Variants in ARHGEF9 observed in about 807,000 individuals in gnomAD.
ARHGEF9 encodes the protein rho guanine nucleotide exchange factor 9.
Under a neutral mutation model 41.3 loss-of-function variants are expected in ARHGEF9, and 2 were observed. That is an observed-to-expected ratio of 0.05 (90% CI 0.02 to 0.15). The LOEUF is 0.15. Ranked by LOEUF, ARHGEF9 falls within the 10% of genes least tolerant of loss-of-function variation. ARHGEF9 has a pLI of 1.00. For missense variants in ARHGEF9, 225 were observed against 424.7 expected (o/e 0.53, Z 4.13); for synonymous variants, 160 against 154.4 (o/e 1.04, Z -0.27).
At chrX:63,702,794 A>G (rs1206134023) in intron 3 of ARHGEF9, among the ~76,000 whole-genome samples, 2 of 112,175 alleles carry the variant, frequency 1.8e-5, no homozygotes, top group Non-Finnish European at 3.8e-5. Context: ...CTGGCTCGCT[A>G]TCACAGTTTT....
chrX:63,635,922 AC>A lies in ARHGEF9; in HGVS notation c.*2105del, dbSNP rs1280376705. Reference sequence around the variant, plus strand: ...TTTAGCCTGGGTGCTGGGCACCAGGACCCTTGCCAAAGAGGCTTACGTAGTT... The same window carrying A: ...TTTAGCCTGGGTGCTGGGCACCAGGACCTTGCCAAAGAGGCTTACGTAGTT... On this transcript the variant is annotated 3_prime_UTR_variant, in exon 10 of 10. Transcript: ENST00000671741. The A allele has an allele frequency of 7.8e-6, 1 of 128,556 alleles. No individual in the cohort carries two copies. The allele number at this position is 128,556 out of a possible 1,213,427, so 10.6% of individuals were successfully genotyped here.
At chrX:63,749,965 C>T (rs1556438831) in intron 1 of ARHGEF9, among the ~76,000 whole-genome samples, 2 of 112,151 alleles carry the variant, frequency 1.8e-5, no homozygotes, top group Non-Finnish European at 3.8e-5. Context: ...ATCAAGGATT[C>T]TTGGAAAGCC....
intron 7 of ARHGEF9, among the ~76,000 whole-genome samples, chrX:63,659,066 C>T (rs1287832539): frequency 8.9e-6 from 1 of 112,604 alleles, no homozygotes; most frequent in Non-Finnish European, 1.9e-5. Flanking sequence ...ACATACCACA[C>T]ACTTGGCACT....
At chrX:63,664,055 G>A (rs1421633117) in intron 7 of ARHGEF9, among the ~76,000 whole-genome samples, 1 of 111,731 alleles carries the variant, frequency 9.0e-6, no homozygotes, top group Non-Finnish European at 1.9e-5. Context: ...TGACTGCTTC[G>A]AGGTTTCTCT....
intron 7 of ARHGEF9, among the ~76,000 whole-genome samples, chrX:63,660,971 T>C (rs1456114814): frequency 2.7e-5 from 3 of 111,888 alleles, no homozygotes; most frequent in Non-Finnish European, 5.6e-5. Flanking sequence ...CCCCACTACC[T>C]CAGGTGGTTC....
At chrX:63,745,139 C>T (rs1300512803) in intron 1 of ARHGEF9, among the ~76,000 whole-genome samples, 2 of 109,471 alleles carry the variant, frequency 1.8e-5, no homozygotes, top group Non-Finnish European at 3.8e-5. Context: ...GCTCTTAGTA[C>T]ATCCTTCCTG....
At chrX:63,720,076 C>CA (rs2053551004) in intron 2 of ARHGEF9, among the ~76,000 whole-genome samples, 1 of 111,682 alleles carries the variant, frequency 9.0e-6, no homozygotes, top group South Asian at 3.8e-4. Flanking sequence ...AAAAAAACCT[C>CA]AGAGGACCAT....
At chrX:63,728,971 A>G (rs1400928814) in intron 1 of ARHGEF9, among the ~76,000 whole-genome samples, 1 of 111,457 alleles carries the variant, frequency 9.0e-6, no homozygotes, top group Non-Finnish European at 1.9e-5. Context: ...TAGGGTTGGG[A>G]AAGGGGAGTG....
At chrX:63,681,928 G>A (rs1258890797) in intron 4 of ARHGEF9, among the ~76,000 whole-genome samples, 20 of 110,614 alleles carry the variant, frequency 1.8e-4, no homozygotes, top group Non-Finnish European at 3.0e-4. Flanking sequence ...GGAAACACCA[G>A]AGGAAATGAA....
intron 6 of ARHGEF9, among the ~76,000 whole-genome samples, chrX:63,673,275 A>G (rs1297786902): frequency 9.0e-6 from 1 of 111,343 alleles, no homozygotes; most frequent in Non-Finnish European, 1.9e-5. Context: ...CCCTACCTCT[A>G]TATTGTGACC....
At chrX:63,682,635 G>T (rs1158743459) in intron 4 of ARHGEF9, among the ~76,000 whole-genome samples, 2 of 112,061 alleles carry the variant, frequency 1.8e-5, no homozygotes, top group Non-Finnish European at 3.8e-5. Flanking sequence ...CATACATCAT[G>T]ACCAAGTGGG....
At chrX:63,691,896 T>C (rs1359110762) in intron 4 of ARHGEF9, among the ~76,000 whole-genome samples, 3 of 110,886 alleles carry the variant, frequency 2.7e-5, no homozygotes, top group Non-Finnish European at 5.7e-5. Context: ...TCCCAAAATA[T>C]ACCCATGCAT....
chrX:63,678,716 A>G, intron 4 of ARHGEF9, 144 bp from the exon 5 acceptor site: 1 of 474,348 alleles, frequency 2.1e-6, no homozygotes, highest in South Asian at 3.3e-5. Flanking sequence ...TTCATAATTT[A>G]ATAATAAATA....
At chrX:63,694,086 G>A (rs1163115501) in intron 4 of ARHGEF9, among the ~76,000 whole-genome samples, 1 of 109,814 alleles carries the variant, frequency 9.1e-6, no homozygotes, top group East Asian at 2.9e-4. Context: ...GGGACAGTGA[G>A]GCAGGAGAAT....
chrX:63,693,519 G>A (rs1230111618), intron 4 of ARHGEF9, among the ~76,000 whole-genome samples: 1 of 106,856 alleles, frequency 9.4e-6, no homozygotes, highest in Non-Finnish European at 1.9e-5. Flanking sequence ...GGTTGAGGCA[G>A]GAGAATTGCT....
At chrX:63,647,346 G>T (rs371425960) in intron 8 of ARHGEF9, among the ~76,000 whole-genome samples, 13 of 111,572 alleles carry the variant, frequency 1.2e-4, no homozygotes, top group Non-Finnish European at 2.1e-4. Context: ...TTGCCCATTC[G>T]GTATGATATC....
At chrX:63,695,543 C>G (rs1431430288) in intron 4 of ARHGEF9, among the ~76,000 whole-genome samples, 1 of 112,001 alleles carries the variant, frequency 8.9e-6, no homozygotes, top group Non-Finnish European at 1.9e-5. Context: ...ACATCCTTAA[C>G]ATTTATAAAT....
At chrX:63,770,915 TC>T (rs1556454416) in intron 1 of ARHGEF9, among the ~76,000 whole-genome samples, 1 of 112,550 alleles carries the variant, frequency 8.9e-6, no homozygotes, top group Non-Finnish European at 1.9e-5. Context: ...TAAACCTCTT[TC>T]TTTTGCAAAT....
intron 1 of ARHGEF9, among the ~76,000 whole-genome samples, chrX:63,770,561 G>A (rs1182144432): frequency 8.9e-5 from 10 of 112,114 alleles, no homozygotes; most frequent in African/African-American, 2.9e-4. Context: ...AGGCAAAATT[G>A]GTTTTAAAAT....
Sources: gnomAD v4.1 joint callset for allele counts (sites outside exome capture counted in the v4.1 genomes callset) on GRCh38, gnomAD v4.1.1 for gene constraint, MANE v1.5 for transcripts, NCBI Gene and HGNC (gene_info 2026-07-23, HGNC 2026-07-21) for gene names.